The following JUN variants were observed in gnomAD, a reference collection of about 807,000 sequenced individuals.
JUN encodes the protein transcription factor Jun.
In JUN, 7 loss-of-function variants were observed where a neutral mutation model predicts 19.7. The ratio of observed to expected loss-of-function variants is 0.36; its 90% CI spans 0.20 to 0.67. JUN has a LOEUF of 0.67. JUN is among the 30% of genes least tolerant of loss of function. The probability of loss-of-function intolerance (pLI) is 0.64; values close to 1 mark genes in which losing one functional copy is unlikely to be tolerated. For missense variants in JUN, 373 were observed against 451.0 expected, an observed-to-expected ratio of 0.83 and a Z score of 1.57; for synonymous variants, 246 against 206.9, an observed-to-expected ratio of 1.19 and a Z score of -1.62.
At position 58,782,406 on chromosome 1, in the gene JUN, A is replaced by G; in HGVS notation, c.665T>C (p.Leu222Pro). 2 of 1,610,388 alleles carry G rather than the reference A, an allele frequency of 1.2e-6. No homozygotes were observed. Among genetic ancestry groups the G allele is most frequent in the Non-Finnish European group, 8.5e-7 (1 of 1,178,098 alleles). The stretch of plus-strand genomic sequence containing the variant: ...CTGAGGCTCCTCCTTCAGGGCCTGC[A>G]GCCGCGGGTGCTGCACGGGCATCTG... ...PQQMPVQHPR[L>P]QALKEEPQTV... Residue 222 changes from leucine to proline, a missense_variant, in exon 1 of 1, where the codon CTG (leucine) becomes CCG (proline). Around this residue, in one of 4 missense-constraint regions of JUN, gnomAD observed 83 missense variants for 143.0 expected, o/e 0.58. Coordinates refer to ENST00000371222, the MANE Select transcript of JUN (RefSeq NM_002228.4). This position sits in a 1 kb window ranked among gnomAD's most constrained non-coding sequence, Gnocchi z 8.7.
At position 58,783,089 on chromosome 1, in the gene JUN, A is replaced by G. The variant is rs1452665013; in HGVS notation, c.-19T>C. The G allele has an allele frequency of 6.3e-7, 1 of 1,596,742 alleles. No homozygotes were observed. Among genetic ancestry groups the G allele is most frequent in the Non-Finnish European group, 8.6e-7 (1 of 1,167,092 alleles). ...CAGTCATAGAACAGTCCGTCACTTC[A>G]CGTGAGGTTAGTTTGGGCTGCGCGC... On this transcript the variant is annotated 5_prime_UTR_variant, in exon 1 of 1. Transcript: ENST00000371222.
rs2100739655 is a variant in JUN at position 58,782,714 on chromosome 1, G to A, written c.357C>T (p.Ala119=). ...GCAGCGTGTTCTGGCTGTGCAGTTC[G>A]GCCAGGGCGCGCACGAAGCCCTCGG... ...GFAEGFVRAL[A]ELHSQNTLPS... is the part of the protein sequence containing the mutation. The change falls in exon 1 of 1, where the codon GCC becomes GCT. Residue 119 remains alanine, a synonymous_variant. Coordinates refer to ENST00000371222, the MANE Select transcript of JUN (RefSeq NM_002228.4). The surrounding 1 kb of genome is among the most constrained non-coding windows in gnomAD (Gnocchi z 8.7). 2 of 1,605,140 alleles carry A rather than the reference G, an allele frequency of 1.2e-6. No homozygotes were observed. The highest frequency in any genetic ancestry group is 3.3e-4 in the Middle Eastern group (2 of 6,042).
Position 58,782,584 on chromosome 1 carries a change from G to C in JUN, c.487C>G (p.Leu163Val), listed in dbSNP as rs758789192. 3 of 1,578,646 alleles carry C rather than the reference G, an allele frequency of 1.9e-6. No homozygotes were observed. Among genetic ancestry groups the C allele is most frequent in the Admixed American group, 1.8e-5 (1 of 56,296 alleles). ...GCGTAGACCGGCGGCTCGCTGTGCA[G>C]GCTGGCGCTGAAGCCGCCGCTGCCG... ...GSGSGGFSASLHSEPPVYANL... is the reference protein window; with the variant it reads ...GSGSGGFSASVHSEPPVYANL... Residue 163 changes from leucine (L) to valine (V), a missense_variant, in exon 1 of 1, where the codon CTG (leucine) becomes GTG (valine). This residue lies in a region of JUN where 173 missense variants were observed against 154.5 expected (regional missense o/e 1.12). Transcript: ENST00000371222. This position sits in a 1 kb window ranked among gnomAD's most constrained non-coding sequence, Gnocchi z 8.7.
Position 58,782,114 on chromosome 1 carries a change from C to T in JUN, c.957G>A (p.Gly319=), listed in dbSNP as rs2100738547. 6.2e-7 allele frequency: 1 copy of T among 1,614,210 alleles called. No homozygotes were observed. Among genetic ancestry groups the T allele is most frequent in the Non-Finnish European group, 8.5e-7 (1 of 1,180,004 alleles). ...ACTGCTGCGTTAGCATGAGTTGGCACCCACTGTTAACGTGGTTCATGACTT... is the reference window on the plus strand; with the variant it reads ...ACTGCTGCGTTAGCATGAGTTGGCATCCACTGTTAACGTGGTTCATGACTT... ...KQKVMNHVNS[G]CQLMLTQQLQ... is the part of the protein sequence containing the mutation. The change falls in exon 1 of 1, where the codon GGG becomes GGA. Residue 319 remains glycine, a synonymous_variant. Coordinates refer to ENST00000371222, the MANE Select transcript of JUN (RefSeq NM_002228.4). The surrounding 1 kb of genome is among the most constrained non-coding windows in gnomAD (Gnocchi z 8.7).
rs2100738946 is a variant in JUN, at chr1:58,782,364, G to A, written c.707C>T (p.Pro236Leu). The A allele has an allele frequency of 6.2e-7, 1 of 1,613,920 alleles. No homozygotes were observed. Among genetic ancestry groups the A allele is most frequent in the South Asian group, 1.1e-5 (1 of 91,084 alleles). Residue 236 changes from proline (P) to leucine (L), a missense_variant, in exon 1 of 1, where the codon CCC (proline) becomes CTC (leucine). By Grantham distance (98) the Pro-to-Leu change is moderately conservative. Transcript: ENST00000371222. The surrounding 1 kb of genome is among the most constrained non-coding windows in gnomAD (Gnocchi z 8.7). The part of the protein sequence containing the change: ...KEEPQTVPEM[P>L]GETPPLSPID... ...GGGGGACAGGGGCGGTGTCTCGCCG[G>A]GCATCTCGGGCACTGTCTGAGGCTC... is the stretch of plus-strand genomic sequence containing the variant.
rs1031233012 is a variant in JUN, at chr1:58,783,582, C to T, written c.-512G>A. 38 of 249,952 alleles carry T rather than the reference C, an allele frequency of 1.5e-4. No homozygotes were observed. Among genetic ancestry groups the T allele is most frequent in the Non-Finnish European group, 3.0e-4 (36 of 119,214 alleles). The allele number at this position is 249,952 out of a possible 1,614,324, so 15.5% of individuals were successfully genotyped here. ...AACAACCGGTGCGAGCGAAGCTGAG[C>T]GCACGTCCTTCTTCTCTTGCGTGGC... On this transcript the variant is annotated 5_prime_UTR_variant, in exon 1 of 1. Coordinates refer to ENST00000371222, the MANE Select transcript of JUN (RefSeq NM_002228.4).
chr1:58,783,306 C>G lies in JUN; in HGVS notation c.-236G>C. On this transcript the variant is annotated 5_prime_UTR_variant, in exon 1 of 1. Coordinates refer to ENST00000371222, the MANE Select transcript of JUN (RefSeq NM_002228.4). ...CCTCCCGCACTCTTACTTGTCGACT[C>G]GCGCGCGCTACCCGGCTTTGAAAAG... 1 of 547,724 alleles carries G rather than the reference C, an allele frequency of 1.8e-6. No homozygotes were observed. Among genetic ancestry groups the G allele is most frequent in the Non-Finnish European group, 3.2e-6 (1 of 309,240 alleles). 33.9% of individuals were successfully genotyped at this position (547,724 alleles called of 1,614,324 possible).
rs1645591659 is a variant in JUN at position 58,783,228 on chromosome 1, C to T, written c.-158G>A. The T allele has an allele frequency of 1.3e-5, 15 of 1,124,462 alleles. No individual in the cohort carries two copies. The highest frequency in any genetic ancestry group is 1.8e-5 in the Non-Finnish European group (14 of 797,838). The allele number at this position is 1,124,462 out of a possible 1,614,324, so 69.7% of individuals were successfully genotyped here. On this transcript the variant is annotated 5_prime_UTR_variant, in exon 1 of 1. Transcript: ENST00000371222. ...GCACGCACCCGCTGGCTGTCGTCCCCGCTGCGCCCTCCTCACCAGCTCGCT... is the reference window on the plus strand; with the variant it reads ...GCACGCACCCGCTGGCTGTCGTCCCTGCTGCGCCCTCCTCACCAGCTCGCT...
Position 58,782,654 on chromosome 1 carries a change from C to T in JUN, c.417G>A (p.Gly139=). The change falls in exon 1 of 1, where the codon GGG becomes GGA. Residue 139 remains glycine (G), a synonymous_variant. Transcript: ENST00000371222. This position sits in a 1 kb window ranked among gnomAD's most constrained non-coding sequence, Gnocchi z 8.7. ...SVTSAAQPVN[G]AGMVAPAVAS... is the part of the protein sequence containing the mutation. Reference sequence around the variant, plus strand: ...CTACCGCGGGAGCCACCATGCCTGCCCCGTTGACCGGCTGCGCCGCCGACG... The same window carrying T: ...CTACCGCGGGAGCCACCATGCCTGCTCCGTTGACCGGCTGCGCCGCCGACG... 3 of 1,591,044 alleles carry T rather than the reference C, an allele frequency of 1.9e-6. No individual in the cohort carries two copies. Among genetic ancestry groups the T allele is most frequent in the Non-Finnish European group, 2.6e-6 (3 of 1,173,570 alleles).
In JUN at chr1:58,783,526, C is replaced by A; in HGVS notation, c.-456G>T. Reference sequence around the variant, plus strand: ...TCCGCTGCTAGGGGGAGGGGGCGCCCGGCAGCCGCGGCTCGCGCTCGCCCA... The same window carrying A: ...TCCGCTGCTAGGGGGAGGGGGCGCCAGGCAGCCGCGGCTCGCGCTCGCCCA... On this transcript the variant is annotated 5_prime_UTR_variant, in exon 1 of 1. Coordinates refer to ENST00000371222, the MANE Select transcript of JUN (RefSeq NM_002228.4). 4.0e-6 allele frequency: 1 copy of A among 249,910 alleles called. No homozygotes were observed. The highest frequency in any genetic ancestry group is 8.4e-6 in the Non-Finnish European group (1 of 119,316). The allele number at this position is 249,910 out of a possible 1,614,324, so 15.5% of individuals were successfully genotyped here. A position where few individuals can be genotyped will look rare whatever the true frequency, so the allele number is the denominator to read the frequency against.
At position 58,783,646 on chromosome 1, in the gene JUN, C is replaced by G; in HGVS notation, c.-576G>C. On this transcript the variant is annotated 5_prime_UTR_variant, in exon 1 of 1. Coordinates refer to ENST00000371222, the MANE Select transcript of JUN (RefSeq NM_002228.4). Reference sequence around the variant, plus strand: ...CTGGTCTTTACCGCCGTGGAGAAGCCTAAGACGCAGGAAAGGCTTGCAAAA... The same window carrying G: ...CTGGTCTTTACCGCCGTGGAGAAGCGTAAGACGCAGGAAAGGCTTGCAAAA... 1 of 248,028 alleles carries G rather than the reference C, an allele frequency of 4.0e-6. No individual in the cohort carries two copies. Among genetic ancestry groups the G allele is most frequent in the South Asian group, 1.8e-4 (1 of 5,582 alleles). The allele number at this position is 248,028 out of a possible 1,614,324, so 15.4% of individuals were successfully genotyped here.
Position 58,782,920 on chromosome 1 carries a change from G to T in JUN, c.151C>A (p.Pro51Thr), listed in dbSNP as rs757826090. ...TCCGAGTTCTTGGCGCGGAGGTGCGGCTTCAGGCTCCCCACTGGGTCGGCC... is the reference window on the plus strand; with the variant it reads ...TCCGAGTTCTTGGCGCGGAGGTGCGTCTTCAGGCTCCCCACTGGGTCGGCC... Reference protein sequence around the residue: ...NLADPVGSLKPHLRAKNSDLL... With the variant: ...NLADPVGSLKTHLRAKNSDLL... Residue 51 changes from proline to threonine, a missense_variant, in exon 1 of 1, where the codon CCG becomes ACG. Pro to Thr is a conservative substitution (Grantham distance 38). Coordinates refer to ENST00000371222, the MANE Select transcript of JUN (RefSeq NM_002228.4). This position sits in a 1 kb window ranked among gnomAD's most constrained non-coding sequence, Gnocchi z 8.7. 6.2e-7 allele frequency: 1 copy of T among 1,614,114 alleles called. No individual in the cohort carries two copies. The highest frequency in any genetic ancestry group is 1.3e-5 in the African/African-American group (1 of 74,954).
At position 58,783,759 on chromosome 1, in the gene JUN, C is replaced by A. The variant is rs1483052122; in HGVS notation, c.-689G>T. 8.1e-6 allele frequency: 2 copies of A among 247,998 alleles called. No individual in the cohort carries two copies. The highest frequency in any genetic ancestry group is 1.7e-5 in the Non-Finnish European group (2 of 118,038). The allele number at this position is 247,998 out of a possible 1,614,324, so 15.4% of individuals were successfully genotyped here. A position where few individuals can be genotyped will look rare whatever the true frequency, so the allele number is the denominator to read the frequency against. ...GCAGCCGCTCGCCGACTTCCCCCGG[C>A]GGGCGCGTGGGTACCGCTGCTTTCC... On this transcript the variant is annotated 5_prime_UTR_variant, in exon 1 of 1. Coordinates refer to ENST00000371222, the MANE Select transcript of JUN (RefSeq NM_002228.4).
rs558806224 is a variant in JUN at position 58,783,258 on chromosome 1, G to T, written c.-188C>A. On this transcript the variant is annotated 5_prime_UTR_variant, in exon 1 of 1. Coordinates refer to ENST00000371222, the MANE Select transcript of JUN (RefSeq NM_002228.4). Reference sequence around the variant, plus strand: ...CGCCCTCCTCACCAGCTCGCTCCAGGGAGCGCAGGGTTAATTAAGATGCCT... The same window carrying T: ...CGCCCTCCTCACCAGCTCGCTCCAGTGAGCGCAGGGTTAATTAAGATGCCT... The T allele has an allele frequency of 9.9e-6, 8 of 810,692 alleles. No individual in the cohort carries two copies. Among genetic ancestry groups the T allele is most frequent in the Middle Eastern group, 3.9e-4 (1 of 2,586 alleles). 50.2% of individuals were successfully genotyped at this position (810,692 alleles called of 1,614,324 possible).
chr1:58,781,885 C>G lies in JUN; in HGVS notation c.*190G>C, dbSNP rs974880244. The G allele has an allele frequency of 2.0e-5, 12 of 598,392 alleles. 1 individual carries two copies. The highest frequency in any genetic ancestry group is 8.9e-4 in the Middle Eastern group (2 of 2,236). The allele number at this position is 598,392 out of a possible 1,614,324, so 37.1% of individuals were successfully genotyped here. A position where few individuals can be genotyped will look rare whatever the true frequency, so the allele number is the denominator to read the frequency against. ...TCCCTGGCTCCACGCCAAGGGAGGG[C>G]GCGCCAAGTCCTTCCCACTCGTGCA... On this transcript the variant is annotated 3_prime_UTR_variant, in exon 1 of 1. Transcript: ENST00000371222.
rs765894743 is a variant in JUN, at chr1:58,782,576, G to A, written c.495C>T (p.Ser165=). ...TGAGGTTTGCGTAGACCGGCGGCTC[G>A]CTGTGCAGGCTGGCGCTGAAGCCGC... ...GSGGFSASLH[S]EPPVYANLSN... The change falls in exon 1 of 1, where the codon AGC becomes AGT. Residue 165 remains serine, a synonymous_variant. Transcript: ENST00000371222. This position sits in a 1 kb window ranked among gnomAD's most constrained non-coding sequence, Gnocchi z 8.7. 25 of 1,576,934 alleles carry A rather than the reference G, an allele frequency of 1.6e-5. No homozygotes were observed. Among genetic ancestry groups the A allele is most frequent in the Non-Finnish European group, 2.1e-5 (24 of 1,169,964 alleles).
rs1645596726 is a variant in JUN, at chr1:58,783,669, A to G, written c.-599T>C. Reference sequence around the variant, plus strand: ...GCCTAAGACGCAGGAAAGGCTTGCAAAAGTTGGCTCCGGGACTCTGCCACT... The same window carrying G: ...GCCTAAGACGCAGGAAAGGCTTGCAGAAGTTGGCTCCGGGACTCTGCCACT... On this transcript the variant is annotated 5_prime_UTR_variant, in exon 1 of 1. Coordinates refer to ENST00000371222, the MANE Select transcript of JUN (RefSeq NM_002228.4). 4.1e-6 allele frequency: 1 copy of G among 246,168 alleles called. No homozygotes were observed. 15.2% of individuals were successfully genotyped at this position (246,168 alleles called of 1,614,324 possible).
Position 58,781,290 on chromosome 1 carries a change from A to C in JUN, c.*785T>G. On this transcript the variant is annotated 3_prime_UTR_variant, in exon 1 of 1. Transcript: ENST00000371222. ...AACTCCACCTAGATAGCTAGTATCT[A>C]CAGATGATGCAGAAAAGAGGTTAGG... The C allele has an allele frequency of 4.3e-6, 1 of 232,794 alleles. No individual in the cohort carries two copies. Among genetic ancestry groups the C allele is most frequent in the Non-Finnish European group, 8.5e-6 (1 of 117,504 alleles). 14.4% of individuals were successfully genotyped at this position (232,794 alleles called of 1,614,324 possible).
rs1645572626 is a variant in JUN at position 58,781,382 on chromosome 1, A to C, written c.*693T>G. ...TTTCTGGAATTTTCAGAAACAAAAC[A>C]TAAAAAAATTATATACTTTATTACA... On this transcript the variant is annotated 3_prime_UTR_variant, in exon 1 of 1. Coordinates refer to ENST00000371222, the MANE Select transcript of JUN (RefSeq NM_002228.4). 1 of 228,908 alleles carries C rather than the reference A, an allele frequency of 4.4e-6. No individual in the cohort carries two copies. The highest frequency in any genetic ancestry group is 8.7e-6 in the Non-Finnish European group (1 of 115,210). The allele number at this position is 228,908 out of a possible 1,614,324, so 14.2% of individuals were successfully genotyped here.
Sources: gnomAD v4.1 joint callset for allele counts on GRCh38, gnomAD v4.1.1 for gene constraint, gnomAD v4.1.1 regional missense constraint, Gnocchi (gnomAD v3.1) non-coding constraint, MANE v1.5 for transcripts, NCBI Gene and HGNC (gene_info 2026-07-23, HGNC 2026-07-21) for gene names.